NIPAL1: variants seen among roughly 807,000 people sequenced by gnomAD.
The protein encoded by NIPAL1 is magnesium transporter NIPA3.
Under a neutral mutation model 37.7 loss-of-function variants are expected in NIPAL1, and 35 were observed. The observed-to-expected ratio is 0.93, with a 90% CI of 0.71 to 1.23. The LOEUF (loss-of-function observed/expected upper bound fraction) is 1.23. Among genes scored for constraint, NIPAL1 ranks in the 50% most tolerant of loss-of-function variants. NIPAL1 has a pLI of 0.00. For missense variants in NIPAL1, 412 were observed against 473.9 expected, an observed-to-expected ratio of 0.87 and a Z score of 1.21; for synonymous variants, 162 against 183.0, an observed-to-expected ratio of 0.89 and a Z score of 0.93.
intron 2 of NIPAL1, among the ~76,000 whole-genome samples, chr4:48,026,374 A>C (rs2109367989): frequency 1.3e-5 from 2 of 152,324 alleles, no homozygotes; most frequent in East Asian, 3.9e-4. Context: ...ATATGGAAAA[A>C]AATCAATGAT....
intron 2 of NIPAL1, among the ~76,000 whole-genome samples, chr4:48,028,737 C>G (rs557150473): frequency 1.1e-3 from 161 of 152,002 alleles, no homozygotes; most frequent in Non-Finnish European, 2.0e-3. Context: ...AAAAAACAAA[C>G]CCATGAAAAA....
chr4:48,018,249 G>A (rs185001079), intron 1 of NIPAL1, among the ~76,000 whole-genome samples: 23 of 152,238 alleles, frequency 1.5e-4, no homozygotes, highest in African/African-American at 5.5e-4. Context: ...AAATCTGACA[G>A]TTACTAACAC....
At position 48,016,895 on chromosome 4, in the gene NIPAL1, T is replaced by G. The variant is rs1266811747; in HGVS notation, c.46+10T>G. On this transcript the variant is annotated intron_variant, in intron 1 of 5. Transcript: ENST00000295461. ...GAGCCCTGCCGAGAAGGTTTGTGTC[T>G]GCCCTGAGCCGAGGGACCTGGCAGC... 6.3e-7 allele frequency: 1 copy of G among 1,595,764 alleles called. No individual in the cohort carries two copies. The highest frequency in any genetic ancestry group is 1.1e-5 in the South Asian group (1 of 88,380).
rs567124368 is a variant in NIPAL1, at chr4:48,023,602, A to T, written c.47-1466A>T. On this transcript the variant is annotated intron_variant, in intron 1 of 5. Coordinates refer to ENST00000295461, the MANE Select transcript of NIPAL1 (RefSeq NM_207330.3). ...TTTTAAAGGAAAGATGGGAAGACAG[A>T]ACATCTTGTCACAATGTCACCTTGT... Among the ~76,000 whole-genome samples, 60 of 152,362 alleles carry T rather than the reference A, an allele frequency of 3.9e-4. 2 individuals are homozygous for T. In the Middle Eastern group the frequency reaches 0.014, roughly 35 times the overall value.
chr4:48,016,858 C>G lies in NIPAL1; in HGVS notation c.19C>G (p.Leu7Val), dbSNP rs370039135. 1 of 1,591,810 alleles carries G rather than the reference C, an allele frequency of 6.3e-7. No individual in the cohort carries two copies. Among genetic ancestry groups the G allele is most frequent in the Non-Finnish European group, 8.5e-7 (1 of 1,172,286 alleles). The change falls in exon 1 of 6, where the codon CTG becomes GTG. Residue 7 changes from leucine (L) to valine (V), a missense_variant. Leu to Val is a conservative substitution (Grantham distance 32). Transcript: ENST00000295461. ...CGGGGCCATGGGGGCACAGGTGAGG[C>G]TGCCGCCCGGAGAGCCCTGCCGAGA... MGAQVR[L>V]PPGEPCREGY...
chr4:48,029,323 CAG>C (rs943813906), intron 2 of NIPAL1, among the ~76,000 whole-genome samples: 2 of 152,120 alleles, frequency 1.3e-5, no homozygotes, highest in East Asian at 1.9e-4. Context: ...GACTCAGAAA[CAG>C]AAAATCAAAA....
rs202166175 is a variant in NIPAL1, at chr4:48,030,133, T to G, written c.327T>G (p.His109Gln). 1 of 1,603,630 alleles carries G rather than the reference T, an allele frequency of 6.2e-7. No individual in the cohort carries two copies. The highest frequency in any genetic ancestry group is 1.3e-5 in the African/African-American group (1 of 74,698). Residue 109 changes from histidine to glutamine, a missense_variant, in exon 3 of 6, where the codon CAT becomes CAG. By Grantham distance (24) the His-to-Gln change is conservative. Coordinates refer to ENST00000295461, the MANE Select transcript of NIPAL1 (RefSeq NM_207330.3). ...TTTGTATTTTAGGACAAGGTGGACA[T>G]TCTTACCTGAAGGAATGGCTCTGGT... The part of the protein sequence containing the change: ...KGFTRAGQGG[H>Q]SYLKEWLWWV...
intron 3 of NIPAL1, among the ~76,000 whole-genome samples, chr4:48,030,881 T>C (rs1715805297): frequency 6.6e-6 from 1 of 152,164 alleles, no homozygotes; most frequent in South Asian, 2.1e-4. Flanking sequence ...TCTTAAAGCT[T>C]CCCTGAATTT....
chr4:48,025,680 C>T (rs557866249), intron 2 of NIPAL1, among the ~76,000 whole-genome samples: 1 of 152,200 alleles, frequency 6.6e-6, no homozygotes, highest in East Asian at 1.9e-4. Context: ...AGCAAGTAAA[C>T]CTGTCAGCAA....
chr4:48,018,654 T>G (rs1462206460), intron 1 of NIPAL1, among the ~76,000 whole-genome samples: 2 of 152,138 alleles, frequency 1.3e-5, no homozygotes, highest in Admixed American at 1.3e-4. Context: ...AAACAAAGAC[T>G]CAATTTTTCA....
At chr4:48,018,560 G>T (rs1430257344) in intron 1 of NIPAL1, among the ~76,000 whole-genome samples, 12 of 152,186 alleles carry the variant, frequency 7.9e-5, no homozygotes, top group Admixed American at 7.8e-4. Context: ...TAAATTGGGG[G>T]TCATCCCTCC....
chr4:48,022,279 C>T (rs1209528308), intron 1 of NIPAL1, among the ~76,000 whole-genome samples: 1 of 152,150 alleles, frequency 6.6e-6, no homozygotes, highest in Non-Finnish European at 1.5e-5. Flanking sequence ...CTCTTTCAGT[C>T]ATATCTGCTG....
At chr4:48,016,963 G>A (rs1560320321) in intron 1 of NIPAL1, 78 bp downstream of exon 1, 16 of 1,253,674 alleles carry the variant, frequency 1.3e-5, no homozygotes, top group Admixed American at 4.1e-5. Context: ...GGACACTTGC[G>A]GAGACTGGAA....
At position 48,039,999 on chromosome 4, in the gene NIPAL1, G is replaced by C. The variant is rs566675219; in HGVS notation, c.*3827G>C. 1 of 151,938 alleles carries C rather than the reference G, an allele frequency of 6.6e-6. No individual in the cohort carries two copies. Among genetic ancestry groups the C allele is most frequent in the East Asian group, 1.9e-4 (1 of 5,202 alleles). The allele number at this position is 151,938 out of a possible 1,614,324, so 9.4% of individuals were successfully genotyped here. ...ACTGAACTAAATGCTATTTAGCCCC[G>C]CCAACAAAGCTTTGTGGAAAAATAT... On this transcript the variant is annotated 3_prime_UTR_variant, in exon 6 of 6. Transcript: ENST00000295461.
At chr4:48,034,615 T>C (rs1279366870) in intron 4 of NIPAL1, among the ~76,000 whole-genome samples, 1 of 152,212 alleles carries the variant, frequency 6.6e-6, no homozygotes, top group Admixed American at 6.5e-5. Flanking sequence ...AAATTGAAAA[T>C]GACTTGAGTA....
intron 1 of NIPAL1, 108 bp from the exon 2 acceptor site, chr4:48,024,960 A>C: frequency 1.1e-6 from 1 of 938,602 alleles, no homozygotes; most frequent in Admixed American, 2.2e-5. Flanking sequence ...TACATGTAGT[A>C]AAATGTTTCA....
rs766777540 is a variant in NIPAL1, at chr4:48,038,998, A to G, written c.*2826A>G. The stretch of plus-strand genomic sequence containing the variant: ...TGAAATATTTGAAAACTGTCTACAT[A>G]AAAGTTACTGATGCACATGCATTAA... On this transcript the variant is annotated 3_prime_UTR_variant, in exon 6 of 6. Transcript: ENST00000295461. The G allele has an allele frequency of 1.3e-5, 2 of 152,122 alleles. No homozygotes were observed. The highest frequency in any genetic ancestry group is 2.4e-5 in the African/African-American group (1 of 41,408). The allele number at this position is 152,122 out of a possible 1,614,324, so 9.4% of individuals were successfully genotyped here.
chr4:48,035,706 G>T lies in NIPAL1; in HGVS notation c.767G>T (p.Gly256Val), dbSNP rs1715911454. 6.2e-7 allele frequency: 1 copy of T among 1,614,078 alleles called. No homozygotes were observed. Among genetic ancestry groups the T allele is most frequent in the African/African-American group, 1.3e-5 (1 of 75,030 alleles). Reference protein sequence around the residue: ...IGAFSVSSVKGLGIAIKELIE... With the variant: ...IGAFSVSSVKVLGIAIKELIE... ...GCGTTTTCAGTTTCTTCTGTGAAAG[G>T]CCTGGGAATTGCCATTAAGGAGCTG... Residue 256 changes from glycine to valine, a missense_variant, in exon 6 of 6, where the codon GGC becomes GTC. Physicochemically the swap from Gly to Val is moderately radical, Grantham distance 109. Coordinates refer to ENST00000295461, the MANE Select transcript of NIPAL1 (RefSeq NM_207330.3).
chr4:48,022,875 C>T (rs1036823718), intron 1 of NIPAL1, among the ~76,000 whole-genome samples: 1 of 151,916 alleles, frequency 6.6e-6, no homozygotes, highest in African/African-American at 2.4e-5. Flanking sequence ...GTGGTTCCAG[C>T]TACTTGGGAG....
Sources: allele counts gnomAD v4.1 joint callset (sites outside exome capture counted in the v4.1 genomes callset), GRCh38; gene constraint gnomAD v4.1.1; transcripts MANE v1.5; gene names NCBI Gene and HGNC (gene_info 2026-07-23, HGNC 2026-07-21).